Variants in MSRA observed in about 807,000 individuals in gnomAD.
MSRA encodes methionine sulfoxide reductase A, also known as mitochondrial peptide methionine sulfoxide reductase.
MSRA carries 54 observed loss-of-function variants against 31.3 expected under a neutral mutation model. The ratio of observed to expected loss-of-function variants is 1.73; its 90% CI spans 1.39 to 2.17. The LOEUF (loss-of-function observed/expected upper bound fraction) is 2.17. Among genes scored for constraint, MSRA ranks in the 30% most tolerant of loss-of-function variants. MSRA has a pLI of 0.00. For synonymous variants in MSRA, 169 were observed against 116.5 expected (o/e 1.45, Z -2.90); for missense variants, 507 against 300.9 (o/e 1.69, Z -5.07).
chr8:10,072,532 G>A (rs1425095813), intron 1 of MSRA, among the ~76,000 whole-genome samples: 1 of 152,090 alleles, frequency 6.6e-6, no homozygotes, highest in East Asian at 1.9e-4. Context: ...CTTAATATTA[G>A]AGTCATCCCT....
intron 5 of MSRA, among the ~76,000 whole-genome samples, chr8:10,363,217 A>G (rs1405669596): frequency 6.6e-6 from 1 of 152,176 alleles, no homozygotes; most frequent in Non-Finnish European, 1.5e-5. Flanking sequence ...TGGGAGAGCG[A>G]TCCTGATCCA....
At chr8:10,410,975 T>C (rs1231381456) in intron 5 of MSRA, 1 of 152,056 alleles carries the variant, frequency 6.6e-6, no homozygotes, top group African/African-American at 2.4e-5. Context: ...CCACACCCAT[T>C]TTTCCTTTCT....
At chr8:10,237,088 T>G (rs1812008394) in intron 2 of MSRA, among the ~76,000 whole-genome samples, 1 of 152,258 alleles carries the variant, frequency 6.6e-6, no homozygotes, top group Non-Finnish European at 1.5e-5. Context: ...TAAAATCACC[T>G]GTTAAGTAAT....
chr8:10,257,386 T>A (rs1333464398), intron 3 of MSRA, among the ~76,000 whole-genome samples: 3 of 152,188 alleles, frequency 2.0e-5, no homozygotes, highest in Non-Finnish European at 4.4e-5. Flanking sequence ...ACTCTGTGTG[T>A]GTCCATAAAC....
intron 1 of MSRA, among the ~76,000 whole-genome samples, chr8:10,146,548 G>A (rs994333422): frequency 6.6e-6 from 1 of 152,142 alleles, no homozygotes; most frequent in African/African-American, 2.4e-5. Flanking sequence ...AGGAGTGGCT[G>A]GATGCAGGTA....
At chr8:10,185,895 A>ATT (rs11438094) in intron 1 of MSRA, among the ~76,000 whole-genome samples, 3,551 of 149,534 alleles carry the variant, frequency 0.024, 139 homozygotes, top group African/African-American at 0.082. Flanking sequence ...ATTTCCATTC[A>ATT]TTTTTTTTTT....
chr8:10,232,394 C>G (rs1299685546), intron 2 of MSRA, among the ~76,000 whole-genome samples: 2 of 152,126 alleles, frequency 1.3e-5, no homozygotes, highest in African/African-American at 2.4e-5. Context: ...TGCTAGTTAG[C>G]AAGAGAATGG....
intron 1 of MSRA, among the ~76,000 whole-genome samples, chr8:10,143,710 G>A (rs1215226332): frequency 6.6e-6 from 1 of 152,150 alleles, no homozygotes; most frequent in African/African-American, 2.4e-5. Context: ...TTCCAAGCAA[G>A]AGGGCCACTT....
chr8:10,368,117 C>T (rs1225945286), intron 5 of MSRA, among the ~76,000 whole-genome samples: 1 of 152,118 alleles, frequency 6.6e-6, no homozygotes, highest in Non-Finnish European at 1.5e-5. Flanking sequence ...AGTCATGAAG[C>T]CATGGAAAGA....
intron 3 of MSRA, among the ~76,000 whole-genome samples, chr8:10,282,519 T>G (rs556782896): frequency 1.8e-4 from 28 of 152,348 alleles, no homozygotes; most frequent in Admixed American, 7.2e-4. Context: ...GTCCATTCTG[T>G]GTCCCCTTGG....
At chr8:10,295,586 C>T (rs1234011838) in intron 3 of MSRA, among the ~76,000 whole-genome samples, 1 of 152,086 alleles carries the variant, frequency 6.6e-6, no homozygotes, top group Admixed American at 6.5e-5. Flanking sequence ...TACATAAGAC[C>T]TGCTTCCCTG....
In MSRA at chr8:10,054,674, A is replaced by T. The variant is rs754803074; in HGVS notation, c.142+16A>T. 1 of 1,497,114 alleles carries T rather than the reference A, an allele frequency of 6.7e-7. No individual in the cohort carries two copies. Among genetic ancestry groups the T allele is most frequent in the Non-Finnish European group, 9.0e-7 (1 of 1,116,282 alleles). 92.7% of individuals were successfully genotyped at this position (1,497,114 alleles called of 1,614,324 possible). A position where few individuals can be genotyped will look rare whatever the true frequency, so the allele number is the denominator to read the frequency against. On this transcript the variant is annotated intron_variant, in intron 1 of 5. Transcript: ENST00000317173. ...CCTGTAGCGGGTAAGCACTGGCCAC[A>T]CGGAAGGCGCGGGCGGCGACGCTGC... is the stretch of plus-strand genomic sequence containing the variant.
At chr8:10,259,897 C>T (rs1798382427) in intron 3 of MSRA, among the ~76,000 whole-genome samples, 1 of 152,218 alleles carries the variant, frequency 6.6e-6, no homozygotes, top group Admixed American at 6.5e-5. Flanking sequence ...GCCCGCCTCA[C>T]CCCCTCTGTA....
chr8:10,250,649 G>T (rs1397351457), intron 3 of MSRA: 4 of 600,340 alleles, frequency 6.7e-6, no homozygotes, highest in Non-Finnish European at 8.9e-6. Context: ...AGGAGCCCAG[G>T]TGTGGGAAGA....
intron 5 of MSRA, among the ~76,000 whole-genome samples, chr8:10,327,472 A>G (rs531018455): frequency 6.6e-6 from 1 of 152,344 alleles, no homozygotes; most frequent in South Asian, 2.1e-4. Flanking sequence ...TAGCATTTTC[A>G]AAAATAAAGG....
intron 1 of MSRA, among the ~76,000 whole-genome samples, chr8:10,092,328 A>T (rs1042705512): frequency 1.3e-5 from 2 of 152,058 alleles, no homozygotes; most frequent in African/African-American, 4.8e-5. Context: ...ATAGCCTAAC[A>T]TATTGCCTGC....
chr8:10,152,583 T>C (rs973642469), intron 1 of MSRA, among the ~76,000 whole-genome samples: 4 of 152,200 alleles, frequency 2.6e-5, no homozygotes, highest in Admixed American at 6.5e-5. Flanking sequence ...GTGAAACAAA[T>C]ATTTCTCTTC....
chr8:10,276,026 G>A (rs1038367578), intron 3 of MSRA, among the ~76,000 whole-genome samples: 2 of 152,198 alleles, frequency 1.3e-5, no homozygotes, highest in African/African-American at 4.8e-5. Flanking sequence ...ACACTGGCTG[G>A]TGTTTACACA....
At chr8:10,131,400 C>T (rs1269459828) in intron 1 of MSRA, among the ~76,000 whole-genome samples, 2 of 152,150 alleles carry the variant, frequency 1.3e-5, no homozygotes, top group African/African-American at 4.8e-5. Context: ...AGGATTTGGG[C>T]AGGTAGCAAT....
Sources: gnomAD v4.1 joint callset for allele counts (sites outside exome capture counted in the v4.1 genomes callset) on GRCh38, gnomAD v4.1.1 for gene constraint, MANE v1.5 for transcripts, NCBI Gene and HGNC (gene_info 2026-07-23, HGNC 2026-07-21) for gene names.